ANO1: variants seen among roughly 807,000 people sequenced by gnomAD.
The protein encoded by ANO1 is anoctamin 1, also known as anoctamin-1.
A neutral mutation model predicts 124.0 loss-of-function variants in ANO1; 59 were observed. The observed-to-expected ratio is 0.48, with a 90% CI of 0.39 to 0.59. The LOEUF (loss-of-function observed/expected upper bound fraction) is 0.59, where lower values mean the gene tolerates loss of function less well. ANO1 is among the 20% of genes least tolerant of loss of function. ANO1 has a pLI of 0.00. For missense variants in ANO1, 1,059 were observed against 1,328.0 expected (o/e 0.80, Z 3.15); for synonymous variants, 529 against 532.0 (o/e 0.99, Z 0.08).
intron 1 of ANO1, among the ~76,000 whole-genome samples, chr11:70,082,118 C>A (rs1051178060): frequency 3.3e-5 from 5 of 152,204 alleles, no homozygotes; most frequent in African/African-American, 1.2e-4. Flanking sequence ...AAGTTGCTGG[C>A]CTGCCTGGGT....
At chr11:70,137,518 A>C (rs953473526) in intron 11 of ANO1, among the ~76,000 whole-genome samples, 1 of 141,500 alleles carries the variant, frequency 7.1e-6, no homozygotes, top group African/African-American at 2.5e-5. Flanking sequence ...CCTCTCTCTG[A>C]TCATGACCCA....
At chr11:69,999,815 C>T (rs1856347357) in intron 1 of ANO1, among the ~76,000 whole-genome samples, 1 of 152,124 alleles carries the variant, frequency 6.6e-6, no homozygotes, top group Non-Finnish European at 1.5e-5. Flanking sequence ...ATCAAACAGG[C>T]TGGGGTTCCT....
chr11:70,181,866 C>T (rs2048941791), intron 23 of ANO1, among the ~76,000 whole-genome samples: 1 of 152,286 alleles, frequency 6.6e-6, no homozygotes, highest in South Asian at 2.1e-4. Flanking sequence ...CACACTAGCC[C>T]ACTGGTCTGC....
intron 8 of ANO1, among the ~76,000 whole-genome samples, chr11:70,116,904 C>G (rs2045996464): frequency 6.6e-6 from 1 of 152,098 alleles, no homozygotes; most frequent in African/African-American, 2.4e-5. Context: ...TTGGGAACCA[C>G]TGACACCAGG....
At chr11:70,009,225 C>T (rs1036839903) in intron 1 of ANO1, among the ~76,000 whole-genome samples, 12 of 152,258 alleles carry the variant, frequency 7.9e-5, no homozygotes, top group Middle Eastern at 3.4e-3. Context: ...TCACCGAGCA[C>T]GAGCCAAGAC....
intron 14 of ANO1, 129 bp downstream of exon 14, chr11:70,153,257 C>A: frequency 2.4e-6 from 2 of 828,010 alleles, no homozygotes; most frequent in African/African-American, 1.7e-5. Flanking sequence ...CTGCTCAACT[C>A]TGCCATGGTA....
Position 70,124,542 on chromosome 11 carries a change from G to A in ANO1, c.962+128G>A, listed in dbSNP as rs2046415662. 1.5e-5 allele frequency: 14 copies of A among 930,200 alleles called. 1 individual carries two copies. Among genetic ancestry groups the A allele is most frequent in the East Asian group, 5.3e-5 (2 of 37,856 alleles). The allele number at this position is 930,200 out of a possible 1,614,324, so 57.6% of individuals were successfully genotyped here. ...ACGTGTTTGAACTCAAAGAGCTTGT[G>A]TAGGAAGACCCAAAATGTCCCTGCA... On this transcript the variant is annotated intron_variant, in intron 9 of 25. Transcript: ENST00000355303.
At chr11:69,996,873 T>G (rs1554998432) in intron 1 of ANO1, among the ~76,000 whole-genome samples, 1 of 152,220 alleles carries the variant, frequency 6.6e-6, no homozygotes, top group African/African-American at 2.4e-5. Flanking sequence ...TGTAACAGAA[T>G]GCCAGATGAA....
chr11:70,078,204 T>C (rs992018457), upstream of ANO1: 1 of 152,918 alleles, frequency 6.5e-6, no homozygotes, highest in Non-Finnish European at 1.5e-5. Context: ...AGGAATGGAA[T>C]ACTTTTTCTT....
At chr11:70,111,445 T>A (rs944856690) in intron 6 of ANO1, among the ~76,000 whole-genome samples, 3 of 152,176 alleles carry the variant, frequency 2.0e-5, no homozygotes, top group Admixed American at 2.0e-4. Flanking sequence ...CAGAGCCGCC[T>A]CTTGGGGTTT....
intron 1 of ANO1, among the ~76,000 whole-genome samples, chr11:69,986,324 T>A (rs113882855): frequency 0.077 from 11,690 of 152,034 alleles, 754 homozygotes; most frequent in Admixed American, 0.14. Flanking sequence ...TCCTCCCCCC[T>A]CCGCGCTGCT....
Position 70,161,327 on chromosome 11 carries a change from T to C in ANO1, c.1745T>C (p.Val582Ala), listed in dbSNP as rs975782381. 1.9e-6 allele frequency: 3 copies of C among 1,613,926 alleles called. No homozygotes were observed. The South Asian group carries it at 3.3e-5, about 18-fold the overall frequency. ...NLVVIILLDE[V>A]YGCIARWLTK... ...GTGGTCATCATCCTCCTGGACGAGG[T>C]GTATGGCTGCATAGCCCGATGGCTC... The change falls in exon 17 of 26, where the codon GTG (valine) becomes GCG (alanine). Residue 582 changes from valine (V) to alanine (A), a missense_variant. By Grantham distance (64) the Val-to-Ala change is moderately conservative. Around this residue, in one of 2 missense-constraint regions of ANO1, gnomAD observed 809 missense variants for 1,094.9 expected, o/e 0.74. Coordinates refer to ENST00000355303, the MANE Select transcript of ANO1 (RefSeq NM_018043.7).
In ANO1 at chr11:70,157,491, C is replaced by G. The variant is rs76159160; in HGVS notation, c.1578+470C>G. Among the ~76,000 whole-genome samples the G allele has an allele frequency of 2.0e-3, 311 of 152,130 alleles. 1 individual carries two copies. Among genetic ancestry groups the G allele is most frequent in the East Asian group, 0.014 (73 of 5,166 alleles). ...TCCTCAGGGCAGTGGGTGGGGAAGA[C>G]TCACCACTACCCCTAAAATGGGAAG... On this transcript the variant is annotated intron_variant, in intron 16 of 25. Transcript: ENST00000355303.
chr11:70,149,945 CCT>C, intron 12 of ANO1, 153 bp downstream of exon 12: 1 of 768,388 alleles, frequency 1.3e-6, no homozygotes, highest in Non-Finnish European at 2.2e-6. Flanking sequence ...CCCCTGCCTG[CCT>C]CGCCACTCAA....
upstream of ANO1, among the ~76,000 whole-genome samples, chr11:69,981,716 C>A (rs1554996238): frequency 6.6e-6 from 1 of 152,226 alleles, no homozygotes; most frequent in African/African-American, 2.4e-5. Context: ...CTGCCCAGCC[C>A]CACCCCAGCC....
At position 70,078,611 on chromosome 11, in the gene ANO1, G is replaced by C; in HGVS notation, c.5G>C (p.Arg2Thr). ...CCCAGCGCACAGGCGGCCACGATGA[G>C]GGTCAACGAGAAGTACTCGACGCTC... is the stretch of plus-strand genomic sequence containing the variant. M[R>T]VNEKYSTLPA... The change falls in exon 1 of 26, where the codon AGG becomes ACG. Residue 2 changes from arginine (R) to threonine (T), a missense_variant. Arg to Thr is a moderately conservative substitution (Grantham distance 71). Around this residue, in one of 2 missense-constraint regions of ANO1, gnomAD observed 250 missense variants for 233.1 expected, o/e 1.07. Coordinates refer to ENST00000355303, the MANE Select transcript of ANO1 (RefSeq NM_018043.7). 6.7e-7 allele frequency: 1 copy of C among 1,487,946 alleles called. No homozygotes were observed. The highest frequency in any genetic ancestry group is 1.2e-5 in the South Asian group (1 of 84,622). The allele number at this position is 1,487,946 out of a possible 1,614,324, so 92.2% of individuals were successfully genotyped here.
intron 1 of ANO1, among the ~76,000 whole-genome samples, chr11:70,002,280 AT>A (rs1357101835): frequency 2.0e-5 from 3 of 151,956 alleles, no homozygotes; most frequent in Non-Finnish European, 2.9e-5. Flanking sequence ...CCTGCCCAAT[AT>A]GGTGAAACCC....
At chr11:70,070,760 T>C (rs1203262134) in intron 1 of ANO1, among the ~76,000 whole-genome samples, 1 of 152,040 alleles carries the variant, frequency 6.6e-6, no homozygotes, top group African/African-American at 2.4e-5. Flanking sequence ...GGTGGATGAG[T>C]GGACAAACAC....
rs931570845 is a variant in ANO1, at chr11:70,124,343, C to T, written c.898-7C>T. ...TGTCACCAACCCCACTGCTTCCTCC[C>T]CCTCAGCTCCTGTACGAAGAGTGGG... is the stretch of plus-strand genomic sequence containing the variant. On this transcript the variant is annotated splice_region_variant and splice_polypyrimidine_tract_variant and intron_variant, in intron 8 of 25. Coordinates refer to ENST00000355303, the MANE Select transcript of ANO1 (RefSeq NM_018043.7). 6.2e-7 allele frequency: 1 copy of T among 1,613,834 alleles called. No homozygotes were observed. Among genetic ancestry groups the T allele is most frequent in the Non-Finnish European group, 8.5e-7 (1 of 1,179,846 alleles).
Sources: allele counts gnomAD v4.1 joint callset (sites outside exome capture counted in the v4.1 genomes callset), GRCh38; gene constraint gnomAD v4.1.1; regional missense constraint gnomAD v4.1.1; transcripts MANE v1.5; gene names NCBI Gene and HGNC (gene_info 2026-07-23, HGNC 2026-07-21).